MSRA: variants seen among roughly 807,000 people sequenced by gnomAD.
MSRA encodes the protein mitochondrial peptide methionine sulfoxide reductase.
In MSRA, 54 loss-of-function variants were observed where a neutral mutation model predicts 31.3. That is an observed-to-expected ratio of 1.73 (90% CI 1.39 to 2.17). The LOEUF (loss-of-function observed/expected upper bound fraction) is 2.17, where lower values mean the gene tolerates loss of function less well. Ranked by LOEUF, MSRA falls within the 30% of genes most tolerant of loss-of-function variation. MSRA has a pLI of 0.00. For missense variants in MSRA, 507 were observed against 300.9 expected (o/e 1.69, Z -5.07); for synonymous variants, 169 against 116.5 (o/e 1.45, Z -2.90).
chr8:10,314,203 G>A (rs1801590939), intron 4 of MSRA, among the ~76,000 whole-genome samples: 2 of 151,864 alleles, frequency 1.3e-5, no homozygotes. Flanking sequence ...TAAAGAAAAT[G>A]CCAAGAACAG....
chr8:10,071,709 G>C (rs1016391620), intron 1 of MSRA, among the ~76,000 whole-genome samples: 7 of 152,104 alleles, frequency 4.6e-5, no homozygotes, highest in African/African-American at 1.7e-4. Flanking sequence ...TTGATGTTTA[G>C]TTTGAGGTTC....
chr8:10,221,422 A>G (rs554137956), intron 2 of MSRA, among the ~76,000 whole-genome samples: 2 of 144,534 alleles, frequency 1.4e-5, no homozygotes, highest in South Asian at 2.2e-4. Flanking sequence ...ATAAATATAT[A>G]TATGTATATA....
intron 1 of MSRA, among the ~76,000 whole-genome samples, chr8:10,140,624 T>C (rs1022075451): frequency 1.6e-4 from 25 of 152,190 alleles, no homozygotes; most frequent in African/African-American, 6.0e-4. Flanking sequence ...AATTTCTCGG[T>C]TTCTCTATTT....
At chr8:10,235,850 T>A (rs2952244) in intron 2 of MSRA, among the ~76,000 whole-genome samples, 147,193 of 152,240 alleles carry the variant, frequency 0.97, 71,322 homozygotes, top group East Asian at 1. Context: ...GACAAGGACA[T>A]TATAAGAAAA....
intron 3 of MSRA, among the ~76,000 whole-genome samples, chr8:10,279,140 A>G (rs1385849974): frequency 6.6e-6 from 1 of 152,194 alleles, no homozygotes; most frequent in African/African-American, 2.4e-5. Flanking sequence ...GATCTTGCGT[A>G]TCTGCTGGAG....
intron 2 of MSRA, among the ~76,000 whole-genome samples, chr8:10,208,200 T>A (rs1329864507): frequency 6.6e-6 from 1 of 151,752 alleles, no homozygotes; most frequent in African/African-American, 2.4e-5. Context: ...AGTTTTTCTT[T>A]GCTAGCACGG....
At chr8:10,139,959 C>A (rs1301248526) in intron 1 of MSRA, among the ~76,000 whole-genome samples, 1 of 152,156 alleles carries the variant, frequency 6.6e-6, no homozygotes, top group Non-Finnish European at 1.5e-5. Context: ...GGGTTTCTGG[C>A]TGAGTCATCT....
rs375322603 is a variant in MSRA at position 10,283,802 on chromosome 8, CATATATATATAT to C, written c.332-17708_332-17697del. ...TTTTTGGTTGAGTAGTATTCTATCT[CATATATATATAT>C]ATATATATATATATATATATATACA... On this transcript the variant is annotated intron_variant, in intron 3 of 5. Transcript: ENST00000317173. 9.9e-3 allele frequency among the ~76,000 whole-genome samples: 459 copies of C among 46,162 alleles called. 6 individuals are homozygous for C. The highest frequency in any genetic ancestry group is 0.013 in the Middle Eastern group (1 of 76). The allele number at this position is 46,162 out of a possible 152,430, so 30.3% of individuals were successfully genotyped here. A position where few individuals can be genotyped will look rare whatever the true frequency, so the allele number is the denominator to read the frequency against.
chr8:10,198,010 A>T (rs1305126510), intron 1 of MSRA, among the ~76,000 whole-genome samples: 1 of 152,194 alleles, frequency 6.6e-6, no homozygotes, highest in Admixed American at 6.5e-5. Context: ...TTTCCTGCTC[A>T]AAGAAAACAG....
At chr8:10,337,653 T>C (rs1803138887) in intron 5 of MSRA, 1 of 691,846 alleles carries the variant, frequency 1.4e-6, no homozygotes, top group Non-Finnish European at 2.6e-6. Flanking sequence ...TCCTTGATAG[T>C]GTCATCCGGT....
In MSRA at chr8:10,203,914, G is replaced by T. The variant is rs747765923; in HGVS notation, c.143-3919G>T. On this transcript the variant is annotated intron_variant, in intron 1 of 5. Coordinates refer to ENST00000317173, the MANE Select transcript of MSRA (RefSeq NM_012331.5). ...TGATTCTGATCATGCTTAGGCTTAG[G>T]CGAATGTGTGCATTTGTGTCTTAGT... is the stretch of plus-strand genomic sequence containing the variant. Among the ~76,000 whole-genome samples, 111 of 152,150 alleles carry T rather than the reference G, an allele frequency of 7.3e-4. 1 individual carries two copies. The highest frequency in any genetic ancestry group is 4.1e-4 in the South Asian group (2 of 4,824).
At chr8:10,082,888 C>A (rs562861033) in intron 1 of MSRA, among the ~76,000 whole-genome samples, 1 of 152,202 alleles carries the variant, frequency 6.6e-6, no homozygotes, top group African/African-American at 2.4e-5. Flanking sequence ...CAATATTTAC[C>A]GAACGACTAG....
chr8:10,149,498 G>A (rs1175022860), intron 1 of MSRA, among the ~76,000 whole-genome samples: 1 of 152,172 alleles, frequency 6.6e-6, no homozygotes, highest in Non-Finnish European at 1.5e-5. Context: ...CTGATTGAAG[G>A]GAGAAGGTCG....
chr8:10,301,080 T>G (rs1433989795), intron 3 of MSRA, among the ~76,000 whole-genome samples: 1 of 152,200 alleles, frequency 6.6e-6, no homozygotes, highest in Admixed American at 6.5e-5. Context: ...ATCAGCCTGT[T>G]TTTTACAGGT....
At chr8:10,291,273 C>T (rs1800218868) in intron 3 of MSRA, among the ~76,000 whole-genome samples, 1 of 152,130 alleles carries the variant, frequency 6.6e-6, no homozygotes, top group Non-Finnish European at 1.5e-5. Flanking sequence ...CATAAATTCT[C>T]CATCGTGTCT....
rs144242257 is a variant in MSRA at position 10,319,983 on chromosome 8, C to G, written c.537C>G (p.Tyr179Ter). The G allele has an allele frequency of 2.5e-6, 4 of 1,597,556 alleles. No homozygotes were observed. In the South Asian group the frequency reaches 4.6e-5, roughly 18 times the overall value. The change falls in exon 5 of 6, where the codon TAC becomes TAG. Residue 179 changes from tyrosine to a stop codon, truncating the protein, a stop_gained. Transcript: ENST00000317173. LOFTEE classifies it high-confidence loss of function. The stretch of plus-strand genomic sequence containing the variant: ...CAGCCCTGAGCTCCAAAGAGAACTA[C>G]CAAAAGGTAGGGATTGCTGGGCTCC... ...MEAALSSKEN[Y>*]QKVLSEHGFG...
At chr8:10,304,021 C>T (rs986008322) in intron 4 of MSRA, among the ~76,000 whole-genome samples, 1 of 152,168 alleles carries the variant, frequency 6.6e-6, no homozygotes, top group African/African-American at 2.4e-5. Context: ...CTGAACCCTC[C>T]ACCTCCCAGG....
chr8:10,362,445 A>G (rs1450502331), intron 5 of MSRA, among the ~76,000 whole-genome samples: 3 of 148,902 alleles, frequency 2.0e-5, no homozygotes, highest in Non-Finnish European at 3.0e-5. Context: ...ATTCCCACCC[A>G]AAGTCATACC....
At chr8:10,269,866 T>G (rs1005994351) in intron 3 of MSRA, among the ~76,000 whole-genome samples, 1 of 152,084 alleles carries the variant, frequency 6.6e-6, no homozygotes, top group Non-Finnish European at 1.5e-5. Context: ...TTAGCCAGGA[T>G]GGTCTCGATC....
Sources: gnomAD v4.1 joint callset for allele counts (sites outside exome capture counted in the v4.1 genomes callset) on GRCh38, gnomAD v4.1.1 for gene constraint, MANE v1.5 for transcripts, NCBI Gene and HGNC (gene_info 2026-07-23, HGNC 2026-07-21) for gene names.